PDE3A: variants seen among roughly 807,000 people sequenced by gnomAD.
PDE3A encodes the protein cGMP-inhibited 3',5'-cyclic phosphodiesterase 3A.
PDE3A carries 43 observed loss-of-function variants against 98.3 expected under a neutral mutation model. That is an observed-to-expected ratio of 0.44 (90% CI 0.34 to 0.56). The LOEUF (loss-of-function observed/expected upper bound fraction) is 0.56. Among genes scored for constraint, PDE3A ranks in the 20% least tolerant of loss-of-function variants. The pLI, the probability that PDE3A is intolerant of heterozygous loss-of-function variation, is 0.01. For missense variants in PDE3A, 1,427 were observed against 1,440.7 expected (o/e 0.99, Z 0.15); for synonymous variants, 663 against 567.9 (o/e 1.17, Z -2.38).
intron 1 of PDE3A, among the ~76,000 whole-genome samples, chr12:20,440,195 T>G (rs1231095495): frequency 1.3e-5 from 2 of 152,064 alleles, no homozygotes; most frequent in Non-Finnish European, 2.9e-5. Context: ...AAAGTGATGG[T>G]GTGTAGGATA....
chr12:20,552,476 C>A lies in PDE3A; in HGVS notation c.961-4184C>A. The A allele has an allele frequency of 6.2e-6, 10 of 1,612,460 alleles. No homozygotes were observed. Among genetic ancestry groups the A allele is most frequent in the Non-Finnish European group, 8.5e-6 (10 of 1,179,524 alleles). Reference sequence around the variant, plus strand: ...CCAGAAGGCTACCTGGAAGCCCTGGCCAACCGAGAGCGAGAGAAGGAGAAC... The same window carrying A: ...CCAGAAGGCTACCTGGAAGCCCTGGACAACCGAGAGCGAGAGAAGGAGAAC... On this transcript the variant is annotated intron_variant, in intron 1 of 15. Coordinates refer to ENST00000359062, the MANE Select transcript of PDE3A (RefSeq NM_000921.5). This position sits in a 1 kb window ranked among gnomAD's most constrained non-coding sequence, Gnocchi z 5.1.
chr12:20,515,760 T>G (rs1333475163), intron 1 of PDE3A, among the ~76,000 whole-genome samples: 3 of 148,458 alleles, frequency 2.0e-5, no homozygotes, highest in African/African-American at 7.4e-5. Context: ...TGAGACGGAG[T>G]CTCGCTCTGT....
Position 20,369,530 on chromosome 12 carries a change from C to A in PDE3A, c.246C>A (p.Arg82=). 6.4e-7 allele frequency: 1 copy of A among 1,558,014 alleles called. No homozygotes were observed. Among genetic ancestry groups the A allele is most frequent in the South Asian group, 1.2e-5 (1 of 84,412 alleles). The change falls in exon 1 of 16, where the codon CGC becomes CGA. Residue 82 remains arginine, a synonymous_variant. Transcript: ENST00000359062. The part of the protein sequence containing the change: ...FLLALLVRLV[R]GEVGCDLEQC... ...TGGCGCTGCTGGTGAGGCTGGTCCG[C>A]GGGGAGGTCGGCTGTGACCTGGAGC...
intron 1 of PDE3A, among the ~76,000 whole-genome samples, chr12:20,543,837 C>T (rs531908357): frequency 3.3e-5 from 5 of 151,932 alleles, no homozygotes; most frequent in African/African-American, 7.2e-5. Flanking sequence ...TACTATGTAC[C>T]AGGTATATAA....
intron 1 of PDE3A, among the ~76,000 whole-genome samples, chr12:20,385,995 A>AAT (rs1311253635): frequency 2.8e-5 from 3 of 105,540 alleles, no homozygotes; most frequent in Admixed American, 1.4e-4. Flanking sequence ...ATATATATAA[A>AAT]ATATATATAT....
chr12:20,554,720 G>A (rs1942321569), intron 1 of PDE3A, among the ~76,000 whole-genome samples: 1 of 151,776 alleles, frequency 6.6e-6, no homozygotes, highest in Non-Finnish European at 1.5e-5. Flanking sequence ...CCAAGTAGCT[G>A]GGATTATAGG....
intron 1 of PDE3A, chr12:20,371,370 T>A: frequency 1.0e-6 from 1 of 985,232 alleles, no homozygotes; most frequent in Non-Finnish European, 1.2e-6. Context: ...GAGGAGGAGC[T>A]GGTTGGATAC....
chr12:20,516,548 G>C (rs888380885), intron 1 of PDE3A, among the ~76,000 whole-genome samples: 11 of 152,034 alleles, frequency 7.2e-5, no homozygotes, highest in Non-Finnish European at 1.5e-4. Context: ...CAATGTCTTT[G>C]GTTTGTGCTG....
chr12:20,619,435 C>A (rs957451833), intron 4 of PDE3A, among the ~76,000 whole-genome samples: 6 of 151,944 alleles, frequency 3.9e-5, no homozygotes, highest in African/African-American at 1.4e-4. Context: ...AAAAAGCCTA[C>A]TTAGAAAAGT....
chr12:20,670,099 G>C (rs1385642257), intron 15 of PDE3A, among the ~76,000 whole-genome samples: 1 of 149,822 alleles, frequency 6.7e-6, no homozygotes, highest in African/African-American at 2.5e-5. Flanking sequence ...AAGAGACAAA[G>C]AAGGCCATTA....
intron 1 of PDE3A, among the ~76,000 whole-genome samples, chr12:20,435,954 G>A (rs550255358): frequency 1.0e-3 from 155 of 152,014 alleles, no homozygotes; most frequent in African/African-American, 3.5e-3. Context: ...TGCATTATAC[G>A]GGCAAGATTG....
chr12:20,392,239 G>A (rs1024599559), intron 1 of PDE3A, among the ~76,000 whole-genome samples: 1 of 151,946 alleles, frequency 6.6e-6, no homozygotes, highest in African/African-American at 2.4e-5. Flanking sequence ...AGATAACTAA[G>A]GTTTCTGCTT....
intron 1 of PDE3A, among the ~76,000 whole-genome samples, chr12:20,433,699 T>G (rs1041436227): frequency 6.6e-6 from 1 of 152,186 alleles, no homozygotes; most frequent in African/African-American, 2.4e-5. Context: ...GTAATTTTAG[T>G]AAGGTTAGGA....
chr12:20,614,626 A>C (rs368660089), intron 3 of PDE3A, among the ~76,000 whole-genome samples: 2 of 152,180 alleles, frequency 1.3e-5, no homozygotes, highest in African/African-American at 4.8e-5. Context: ...AGAGAGATTA[A>C]CTGGTTCCTT....
intron 1 of PDE3A, among the ~76,000 whole-genome samples, chr12:20,499,204 G>C (rs1945977842): frequency 6.6e-6 from 1 of 152,140 alleles, no homozygotes; most frequent in Admixed American, 6.5e-5. Flanking sequence ...AGAATTGTTG[G>C]GAAGATTATA....
chr12:20,613,547 A>T lies in PDE3A; in HGVS notation c.1116A>T (p.Thr372=), dbSNP rs1329636624. Residue 372 remains threonine (T), a synonymous_variant, in exon 3 of 16, where the codon ACA becomes ACT. Coordinates refer to ENST00000359062, the MANE Select transcript of PDE3A (RefSeq NM_000921.5). ...ADPSLPPNVC[T]SLRAVSNLLS... The stretch of plus-strand genomic sequence containing the variant: ...CTTCTCTTCCACCAAACGTGTGCAC[A>T]TCCTTGAGAGCCGTGAGCAACTTGC... 1 of 1,614,134 alleles carries T rather than the reference A, an allele frequency of 6.2e-7. No homozygotes were observed.
At chr12:20,589,873 A>G (rs1445491874) in intron 2 of PDE3A, among the ~76,000 whole-genome samples, 1 of 151,212 alleles carries the variant, frequency 6.6e-6, no homozygotes, top group African/African-American at 2.4e-5. Flanking sequence ...CATCTTAAAA[A>G]AAAAAAAAAA....
chr12:20,385,446 C>T (rs949754751), intron 1 of PDE3A, among the ~76,000 whole-genome samples: 1 of 151,922 alleles, frequency 6.6e-6, no homozygotes, highest in African/African-American at 2.4e-5. Context: ...TGGGTATATA[C>T]CGAAAGGATT....
intron 1 of PDE3A, among the ~76,000 whole-genome samples, chr12:20,456,340 A>G (rs769891819): frequency 8.5e-5 from 13 of 152,134 alleles, no homozygotes; most frequent in African/African-American, 1.2e-4. Flanking sequence ...TGTGTAATAT[A>G]TCATACCACC....
Sources: gnomAD v4.1 joint callset for allele counts (sites outside exome capture counted in the v4.1 genomes callset) on GRCh38, gnomAD v4.1.1 for gene constraint, Gnocchi (gnomAD v3.1) non-coding constraint, MANE v1.5 for transcripts, NCBI Gene and HGNC (gene_info 2026-07-23, HGNC 2026-07-21) for gene names.